POU6F2: variants seen among roughly 807,000 people sequenced by gnomAD.
POU6F2 encodes POU domain, class 6, transcription factor 2.
In POU6F2, 31 loss-of-function variants were observed where a neutral mutation model predicts 71.3. That is an observed-to-expected ratio of 0.43 (90% CI 0.33 to 0.59). The LOEUF (loss-of-function observed/expected upper bound fraction) is 0.59, where lower values mean the gene tolerates loss of function less well. Among genes scored for constraint, POU6F2 ranks in the 20% least tolerant of loss-of-function variants. POU6F2 has a pLI of 0.04. For missense variants in POU6F2, 783 were observed against 856.8 expected, an observed-to-expected ratio of 0.91 and a Z score of 1.07; for synonymous variants, 347 against 355.7, an observed-to-expected ratio of 0.98 and a Z score of 0.27.
intron 2 of POU6F2, among the ~76,000 whole-genome samples, chr7:39,187,115 CCTCA>C (rs1793557359): frequency 6.6e-6 from 1 of 152,246 alleles, no homozygotes; most frequent in Admixed American, 6.5e-5. Context: ...CGCACTGCAT[CCTCA>C]CTCTATGAAG....
intron 2 of POU6F2, among the ~76,000 whole-genome samples, chr7:39,089,968 A>G (rs75837359): frequency 0.019 from 2,919 of 150,440 alleles, 86 homozygotes; most frequent in African/African-American, 0.067. Flanking sequence ...TCTCAGTTGT[A>G]CTACATTGTG....
At chr7:39,170,111 T>C (rs1793190619) in intron 2 of POU6F2, among the ~76,000 whole-genome samples, 1 of 152,086 alleles carries the variant, frequency 6.6e-6, no homozygotes. Context: ...GAGGTTGCAG[T>C]GAATCGAGAC....
intron 2 of POU6F2, among the ~76,000 whole-genome samples, chr7:39,118,757 G>A (rs1791982816): frequency 6.6e-6 from 1 of 152,112 alleles, no homozygotes; most frequent in Admixed American, 6.6e-5. Flanking sequence ...CATAAACAAA[G>A]GATATGAACT....
chr7:39,203,858 G>A (rs1052823970), intron 2 of POU6F2, among the ~76,000 whole-genome samples: 1 of 152,204 alleles, frequency 6.6e-6, no homozygotes, highest in Non-Finnish European at 1.5e-5. Flanking sequence ...GGAATATGAA[G>A]GAGATGGGGA....
intron 1 of POU6F2, among the ~76,000 whole-genome samples, chr7:38,987,814 C>A (rs1045892569): frequency 4.0e-5 from 6 of 151,546 alleles, no homozygotes; most frequent in Non-Finnish European, 7.4e-5. Flanking sequence ...GTAATGAAAT[C>A]TTATATTTGA....
chr7:39,258,233 G>T (rs1274660184), intron 4 of POU6F2, among the ~76,000 whole-genome samples: 2 of 151,934 alleles, frequency 1.3e-5, no homozygotes, highest in Non-Finnish European at 2.9e-5. Flanking sequence ...TTATTGATTT[G>T]TCTCCCAATA....
At chr7:39,333,472 C>T (rs1785700341) in intron 4 of POU6F2, among the ~76,000 whole-genome samples, 2 of 152,196 alleles carry the variant, frequency 1.3e-5, no homozygotes, top group South Asian at 4.1e-4. Flanking sequence ...GGCGTGGTGG[C>T]TCACACCTAT....
intron 2 of POU6F2, among the ~76,000 whole-genome samples, chr7:39,130,132 G>A (rs1792235684): frequency 8.3e-6 from 1 of 120,340 alleles, no homozygotes; most frequent in African/African-American, 3.0e-5. Context: ...TTTTTTTAAA[G>A]TAAAGAAAGG....
At chr7:39,278,882 A>G (rs1784509962) in intron 4 of POU6F2, among the ~76,000 whole-genome samples, 1 of 152,102 alleles carries the variant, frequency 6.6e-6, no homozygotes, top group Non-Finnish European at 1.5e-5. Flanking sequence ...CAGGCTGGAG[A>G]AGTGAAACTC....
intron 6 of POU6F2, among the ~76,000 whole-genome samples, chr7:39,410,323 A>G (rs1161604870): frequency 6.6e-6 from 1 of 152,212 alleles, no homozygotes; most frequent in Non-Finnish European, 1.5e-5. Flanking sequence ...ATAAATAAAT[A>G]AAATCATAAA....
At chr7:39,242,344 A>T (rs940855469) in intron 4 of POU6F2, among the ~76,000 whole-genome samples, 2 of 149,606 alleles carry the variant, frequency 1.3e-5, no homozygotes, top group Non-Finnish European at 3.0e-5. Flanking sequence ...GTTCCTCCAC[A>T]TCCTGTCAGC....
chr7:39,080,850 T>C (rs765887715), intron 1 of POU6F2, among the ~76,000 whole-genome samples: 8 of 152,222 alleles, frequency 5.3e-5, no homozygotes, highest in Non-Finnish European at 1.0e-4. Flanking sequence ...TCTCCGACTA[T>C]AAAATGAGAA....
At chr7:39,421,506 T>C (rs979721535) in intron 6 of POU6F2, among the ~76,000 whole-genome samples, 4 of 152,210 alleles carry the variant, frequency 2.6e-5, no homozygotes, top group African/African-American at 9.6e-5. Flanking sequence ...TTTTGTTGTT[T>C]GTCCTAATTT....
chr7:39,051,887 G>A (rs796977422), intron 1 of POU6F2, among the ~76,000 whole-genome samples: 9 of 152,238 alleles, frequency 5.9e-5, no homozygotes, highest in African/African-American at 2.2e-4. Context: ...CTGAAGCTGA[G>A]GGTGTCCTTG....
intron 5 of POU6F2, among the ~76,000 whole-genome samples, chr7:39,380,894 C>T (rs1410870945): frequency 6.6e-6 from 1 of 152,144 alleles, no homozygotes; most frequent in Non-Finnish European, 1.5e-5. Flanking sequence ...ACTAGTTTCT[C>T]CAGTGGGCCC....
chr7:39,075,968 G>A (rs77850149), intron 1 of POU6F2, among the ~76,000 whole-genome samples: 4,090 of 152,248 alleles, frequency 0.027, 100 homozygotes, highest in East Asian at 0.14. Context: ...AAGTAATGCA[G>A]TCACACAAGC....
At chr7:39,451,484 C>A in intron 7 of POU6F2, 49 bp from the exon 8 acceptor site, 7 of 1,519,686 alleles carry the variant, frequency 4.6e-6, no homozygotes, top group Non-Finnish European at 6.3e-6. Context: ...GGCATTTTTC[C>A]CCTAATTTTT....
chr7:39,101,900 A>T (rs890885127), intron 2 of POU6F2, among the ~76,000 whole-genome samples: 5 of 152,224 alleles, frequency 3.3e-5, no homozygotes, highest in African/African-American at 7.2e-5. Context: ...CTTTTTAATT[A>T]AAAATATTAA....
rs12112347 is a variant in POU6F2 at position 39,433,556 on chromosome 7, T to C, written c.1320+273T>C. Among the ~76,000 whole-genome samples, 706 of 152,326 alleles carry C rather than the reference T, an allele frequency of 4.6e-3. 6 individuals are homozygous for C. The highest frequency in any genetic ancestry group is 0.016 in the African/African-American group (672 of 41,572). On this transcript the variant is annotated intron_variant, in intron 7 of 9. Coordinates refer to ENST00000518318, the MANE Select transcript of POU6F2 (RefSeq NM_001370959.1). Reference sequence around the variant, plus strand: ...AAAATTCAATAGGGATGTATTCTTATTAATCTGTGCTCAAGATACTTAATT... The same window carrying C: ...AAAATTCAATAGGGATGTATTCTTACTAATCTGTGCTCAAGATACTTAATT...
Sources: allele counts gnomAD v4.1 joint callset (sites outside exome capture counted in the v4.1 genomes callset), GRCh38; gene constraint gnomAD v4.1.1; transcripts MANE v1.5; gene names NCBI Gene and HGNC (gene_info 2026-07-23, HGNC 2026-07-21).